The following PAQR9 variants were observed in gnomAD, a reference collection of about 807,000 sequenced individuals.
The protein encoded by PAQR9 is membrane progestin receptor epsilon.
Under a neutral mutation model 24.0 loss-of-function variants are expected in PAQR9, and 12 were observed. The observed-to-expected ratio is 0.50, with a 90% CI of 0.32 to 0.81. The LOEUF is 0.81. Among genes scored for constraint, PAQR9 ranks in the 30% least tolerant of loss-of-function variants. The pLI, the probability that PAQR9 is intolerant of heterozygous loss-of-function variation, is 0.03. For missense variants in PAQR9, 418 were observed against 520.8 expected (o/e 0.80, Z 1.92); for synonymous variants, 266 against 237.6 (o/e 1.12, Z -1.10).
downstream of PAQR9, among the ~76,000 whole-genome samples, chr3:142,950,958 G>C (rs1238906144): frequency 6.6e-6 from 1 of 152,158 alleles, no homozygotes; most frequent in Non-Finnish European, 1.5e-5. Flanking sequence ...TTAGAATTCT[G>C]AATACTCTTT....
chr3:142,959,396 T>G lies in PAQR9; in HGVS notation c.*2807A>C, dbSNP rs568610857. Among the ~76,000 whole-genome samples, 17 of 152,354 alleles carry G rather than the reference T, an allele frequency of 1.1e-4. No individual in the cohort carries two copies. The highest frequency in any genetic ancestry group is 3.8e-4 in the African/African-American group (16 of 41,592). On this transcript the variant is annotated 3_prime_UTR_variant, in exon 1 of 1. Coordinates refer to ENST00000340634, the MANE Select transcript of PAQR9 (RefSeq NM_198504.4). ...TAGTTTAACAAATCATCCCTGGCTT[T>G]GACTAGTGTATATGGTACCTATTTG...
In PAQR9 at chr3:142,962,302, A is replaced by C; in HGVS notation, c.1035T>G (p.Thr345=). 6.2e-7 allele frequency: 1 copy of C among 1,614,180 alleles called. No individual in the cohort carries two copies. Among genetic ancestry groups the C allele is most frequent in the Non-Finnish European group, 8.5e-7 (1 of 1,180,032 alleles). ...GCATGTAGCCCACAGTACCCGAGAA[A>C]GTGGGTGCGGCAGGCGGCGCCTGGA... ...QFLQAPPAAP[T]FSGTVGYMLL... is the part of the protein sequence containing the mutation. Residue 345 remains threonine (T), a synonymous_variant, in exon 1 of 1, where the codon ACT becomes ACG. Transcript: ENST00000340634.
rs1238807886 is a variant in PAQR9 at position 142,957,604 on chromosome 3, G to C, written c.*4599C>G. Among the ~76,000 whole-genome samples the C allele has an allele frequency of 6.6e-6, 1 of 152,106 alleles. No homozygotes were observed. The highest frequency in any genetic ancestry group is 1.5e-5 in the Non-Finnish European group (1 of 68,026). ...TTGTTTTATTACACTATAAAATTCA[G>C]ACACTTAAAGACATCTCAATTTAGG... On this transcript the variant is annotated 3_prime_UTR_variant, in exon 1 of 1. Coordinates refer to ENST00000340634, the MANE Select transcript of PAQR9 (RefSeq NM_198504.4).
In PAQR9 at chr3:142,962,187, C is replaced by T. The variant is rs1247092672; in HGVS notation, c.*16G>A. 2 of 1,610,030 alleles carry T rather than the reference C, an allele frequency of 1.2e-6. No individual in the cohort carries two copies. The highest frequency in any genetic ancestry group is 1.7e-6 in the Non-Finnish European group (2 of 1,178,346). ...AAACAGATGGGCGAACCAGTAGTCT[C>T]CTCCAAGGCGGAGGCTCACTTTTTA... On this transcript the variant is annotated 3_prime_UTR_variant, in exon 1 of 1. Coordinates refer to ENST00000340634, the MANE Select transcript of PAQR9 (RefSeq NM_198504.4).
downstream of PAQR9, among the ~76,000 whole-genome samples, chr3:142,952,105 A>T (rs1181346791): frequency 6.6e-6 from 1 of 151,290 alleles, no homozygotes. Context: ...TTCTCATTTT[A>T]GAAGGTGGGA....
chr3:142,963,613 G>T lies in PAQR9; in HGVS notation c.-277C>A. 2 of 770,506 alleles carry T rather than the reference G, an allele frequency of 2.6e-6. No homozygotes were observed. Among genetic ancestry groups the T allele is most frequent in the Non-Finnish European group, 3.1e-6 (2 of 635,602 alleles). 47.7% of individuals were successfully genotyped at this position (770,506 alleles called of 1,614,324 possible). A position where few individuals can be genotyped will look rare whatever the true frequency, so the allele number is the denominator to read the frequency against. ...AAGCCCCTGCTACCGGCGCGCGGCC[G>T]CCCGCGCTGCGGCAGCGGCGGCGGC... is the stretch of plus-strand genomic sequence containing the variant. On this transcript the variant is annotated 5_prime_UTR_variant, in exon 1 of 1. Transcript: ENST00000340634.
downstream of PAQR9, among the ~76,000 whole-genome samples, chr3:142,951,318 T>C (rs1172822370): frequency 2.0e-5 from 3 of 152,214 alleles, no homozygotes; most frequent in East Asian, 1.9e-4. Flanking sequence ...AATTCCTAGG[T>C]AATTATTTTC....
Position 142,959,180 on chromosome 3 carries a change from A to C in PAQR9, c.*3023T>G, listed in dbSNP as rs1420902366. Among the ~76,000 whole-genome samples, 4 of 152,206 alleles carry C rather than the reference A, an allele frequency of 2.6e-5. No homozygotes were observed. The highest frequency in any genetic ancestry group is 6.5e-5 in the Admixed American group (1 of 15,284). On this transcript the variant is annotated 3_prime_UTR_variant, in exon 1 of 1. Coordinates refer to ENST00000340634, the MANE Select transcript of PAQR9 (RefSeq NM_198504.4). ...ACATTTCAAACAGCTGAACACAATA[A>C]AGTAAAACTGAATTTTAATGTGGCA...
chr3:142,952,049 G>A (rs6803607), downstream of PAQR9, among the ~76,000 whole-genome samples: 17 of 140,464 alleles, frequency 1.2e-4, no homozygotes, highest in African/African-American at 3.3e-4. Flanking sequence ...GAAAAAGAAG[G>A]GGGGGGGGTG....
chr3:142,953,592 G>T (rs567715015), downstream of PAQR9, among the ~76,000 whole-genome samples: 1 of 152,052 alleles, frequency 6.6e-6, no homozygotes, highest in Non-Finnish European at 1.5e-5. Flanking sequence ...GGCTCAAACC[G>T]CCAGTCTCCC....
rs781626139 is a variant in PAQR9, at chr3:142,962,783, G to C, written c.554C>G (p.Ala185Gly). The C allele has an allele frequency of 1.0e-4, 162 of 1,612,342 alleles. No homozygotes were observed. The highest frequency in any genetic ancestry group is 1.6e-4 in the Middle Eastern group (1 of 6,080). The change falls in exon 1 of 1, where the codon GCC (alanine) becomes GGC (glycine). Residue 185 changes from alanine to glycine, a missense_variant. Ala to Gly is a moderately conservative substitution (Grantham distance 60). Around this residue, in one of 3 missense-constraint regions of PAQR9, gnomAD observed 230 missense variants for 305.2 expected, o/e 0.75. Coordinates refer to ENST00000340634, the MANE Select transcript of PAQR9 (RefSeq NM_198504.4). ...CTGCAAGTATGGAGTCATGACTCTG[G>C]CATCCAGCAAGCTGAGGCCTGGCAA... ...YLLPGLSLLD[A>G]RVMTPYLQQR...
At chr3:142,951,835 A>T (rs532995989), downstream of PAQR9, 3 of 452,542 alleles carry the variant, frequency 6.6e-6, no homozygotes, top group Non-Finnish European at 1.3e-5. Context: ...AAAGTCACAC[A>T]GGCCAAAGGA....
At position 142,963,022 on chromosome 3, in the gene PAQR9, G is replaced by A. The variant is rs1934938869; in HGVS notation, c.315C>T (p.Phe105=). Residue 105 remains phenylalanine (F), a synonymous_variant, in exon 1 of 1, where the codon TTC becomes TTT. Transcript: ENST00000340634. Reference sequence around the variant, plus strand: ...AGGGCACGTCGCCGCCGCTCAGGAAGAACAGACGGCAGAACTTGCTCAGGA... The same window carrying A: ...AGGGCACGTCGCCGCCGCTCAGGAAAAACAGACGGCAGAACTTGCTCAGGA... ...LLFLSKFCRL[F]FLSGGDVPFH... is the part of the protein sequence containing the mutation. 1 of 1,614,092 alleles carries A rather than the reference G, an allele frequency of 6.2e-7. No individual in the cohort carries two copies.
rs774710695 is a variant in PAQR9, at chr3:142,962,301, A to G, written c.1036T>C (p.Phe346Leu). 2.5e-6 allele frequency: 4 copies of G among 1,614,172 alleles called. No individual in the cohort carries two copies. Among genetic ancestry groups the G allele is most frequent in the East Asian group, 2.2e-5 (1 of 44,874 alleles). ...FLQAPPAAPTFSGTVGYMLLL... is the reference protein window; with the variant it reads ...FLQAPPAAPTLSGTVGYMLLL... ...AGCATGTAGCCCACAGTACCCGAGA[A>G]AGTGGGTGCGGCAGGCGGCGCCTGG... The change falls in exon 1 of 1, where the codon TTC (phenylalanine) becomes CTC (leucine). Residue 346 changes from phenylalanine (F) to leucine (L), a missense_variant. Physicochemically the swap from Phe to Leu is conservative, Grantham distance 22. Around this residue, in one of 3 missense-constraint regions of PAQR9, gnomAD observed 230 missense variants for 305.2 expected, o/e 0.75. Coordinates refer to ENST00000340634, the MANE Select transcript of PAQR9 (RefSeq NM_198504.4).
At position 142,959,955 on chromosome 3, in the gene PAQR9, G is replaced by A. The variant is rs374559800; in HGVS notation, c.*2248C>T. Among the ~76,000 whole-genome samples the A allele has an allele frequency of 6.6e-6, 1 of 152,178 alleles. No homozygotes were observed. The highest frequency in any genetic ancestry group is 1.5e-5 in the Non-Finnish European group (1 of 68,030). ...ACAACAATGACATGCAAATAAATTT[G>A]CATGTGGAAATATCCTGATTTCCAC... On this transcript the variant is annotated 3_prime_UTR_variant, in exon 1 of 1. Transcript: ENST00000340634.
Position 142,963,232 on chromosome 3 carries a change from C to G in PAQR9, c.105G>C (p.Arg35=). The change falls in exon 1 of 1, where the codon CGG becomes CGC. Residue 35 remains arginine (R), a synonymous_variant. Coordinates refer to ENST00000340634, the MANE Select transcript of PAQR9 (RefSeq NM_198504.4). ...GCGGCTTGGCAGACGCTGGGGGGTC[C>G]CGGGAGGCGGCAGAGTGGGAGTTCC... The part of the protein sequence containing the change: ...AARNSHSAAS[R]DPPASAKPLL... 4 of 1,548,944 alleles carry G rather than the reference C, an allele frequency of 2.6e-6. No homozygotes were observed. Among genetic ancestry groups the G allele is most frequent in the Non-Finnish European group, 3.5e-6 (4 of 1,147,308 alleles).
Position 142,963,461 on chromosome 3 carries a change from A to G in PAQR9, c.-125T>C. The G allele has an allele frequency of 1.9e-6, 2 of 1,043,198 alleles. No individual in the cohort carries two copies. Among genetic ancestry groups the G allele is most frequent in the Non-Finnish European group, 2.3e-6 (2 of 870,030 alleles). The allele number at this position is 1,043,198 out of a possible 1,614,324, so 64.6% of individuals were successfully genotyped here. A position where few individuals can be genotyped will look rare whatever the true frequency, so the allele number is the denominator to read the frequency against. ...ACGCCGGGGGCGTCGCTGCAGGTTTAGGAGAAGACCCGTGCCTCCGAGCAG... is the reference window on the plus strand; with the variant it reads ...ACGCCGGGGGCGTCGCTGCAGGTTTGGGAGAAGACCCGTGCCTCCGAGCAG... On this transcript the variant is annotated 5_prime_UTR_variant, in exon 1 of 1. Coordinates refer to ENST00000340634, the MANE Select transcript of PAQR9 (RefSeq NM_198504.4).
chr3:142,953,983 G>A (rs555775880), downstream of PAQR9, among the ~76,000 whole-genome samples: 5 of 152,296 alleles, frequency 3.3e-5, no homozygotes, highest in African/African-American at 1.2e-4. Context: ...CTCTAGCACT[G>A]CCCTGCTCCC....
chr3:142,953,430 T>A (rs1008963085), downstream of PAQR9, among the ~76,000 whole-genome samples: 1 of 151,678 alleles, frequency 6.6e-6, no homozygotes. Flanking sequence ...AAAAGGAGAG[T>A]GTGTGCTAGC....
Sources: gnomAD v4.1 joint callset for allele counts (sites outside exome capture counted in the v4.1 genomes callset) on GRCh38, gnomAD v4.1.1 for gene constraint, gnomAD v4.1.1 regional missense constraint, MANE v1.5 for transcripts, NCBI Gene and HGNC (gene_info 2026-07-23, HGNC 2026-07-21) for gene names.